Variants in TAF5 observed in about 807,000 individuals in gnomAD.
The protein encoded by TAF5 is TATA-box binding protein associated factor 5.
TAF5 carries 20 observed loss-of-function variants against 80.9 expected under a neutral mutation model. The observed-to-expected ratio is 0.25, with a 90% confidence interval of 0.17 to 0.36. The LOEUF (loss-of-function observed/expected upper bound fraction) is 0.36, where lower values mean the gene tolerates loss of function less well. Among genes scored for constraint, TAF5 ranks in the 10% least tolerant of loss-of-function variants. The pLI, the probability that TAF5 is intolerant of heterozygous loss-of-function variation, is 1.00. For missense variants in TAF5, 863 were observed against 1,029.4 expected (o/e 0.84, Z 2.21); for synonymous variants, 388 against 406.4 (o/e 0.95, Z 0.55).
In TAF5 at chr10:103,378,953, C is replaced by T. The variant is rs536699086; in HGVS notation, c.1113+403C>T. On this transcript the variant is annotated intron_variant, in intron 3 of 10. Transcript: ENST00000369839. This position sits in a 1 kb window ranked among gnomAD's most constrained non-coding sequence, Gnocchi z 4.1. ...GGCATAACAGGCGTGAGCTACTGCG[C>T]CTGGCCGCTTGGAAACAATTTTATA... 2.0e-5 allele frequency among the ~76,000 whole-genome samples: 3 copies of T among 152,262 alleles called. No individual in the cohort carries two copies. Among genetic ancestry groups the T allele is most frequent in the African/African-American group, 7.2e-5 (3 of 41,546 alleles).
Position 103,369,986 on chromosome 10 carries a change from C to T in TAF5, c.559+1438C>T, listed in dbSNP as rs1017407379. Among the ~76,000 whole-genome samples the T allele has an allele frequency of 1.3e-5, 2 of 151,956 alleles. 1 individual carries two copies. The highest frequency in any genetic ancestry group is 4.2e-4 in the South Asian group (2 of 4,814). ...TGGCTCATGCCTGTGAATCTCAGCA[C>T]TTTGGGAGGCTGAGGCGGGTGGATC... is the stretch of plus-strand genomic sequence containing the variant. On this transcript the variant is annotated intron_variant, in intron 1 of 10. Coordinates refer to ENST00000369839, the MANE Select transcript of TAF5 (RefSeq NM_006951.5).
intron 1 of TAF5, among the ~76,000 whole-genome samples, chr10:103,369,461 C>T (rs1456208738): frequency 2.6e-5 from 4 of 151,880 alleles, no homozygotes; most frequent in African/African-American, 7.3e-5. Context: ...CAGATTTAAG[C>T]GATTCTCCTG....
At position 103,388,803 on chromosome 10, in the gene TAF5, T is replaced by C. The variant is rs1402160612; in HGVS notation, c.*580T>C. On this transcript the variant is annotated 3_prime_UTR_variant, in exon 11 of 11. Transcript: ENST00000369839. ...TCTGAATTTATATACCTGTTGAGTTTTGAGTGCACCCAAACACTCGATAAA... is the reference window on the plus strand; with the variant it reads ...TCTGAATTTATATACCTGTTGAGTTCTGAGTGCACCCAAACACTCGATAAA... 2 of 153,328 alleles carry C rather than the reference T, an allele frequency of 1.3e-5. No homozygotes were observed. The highest frequency in any genetic ancestry group is 1.9e-4 in the East Asian group (1 of 5,190). 9.5% of individuals were successfully genotyped at this position (153,328 alleles called of 1,614,324 possible). A position where few individuals can be genotyped will look rare whatever the true frequency, so the allele number is the denominator to read the frequency against.
At chr10:103,373,737 G>T in intron 2 of TAF5, 142 bp downstream of exon 2, 1 of 652,582 alleles carries the variant, frequency 1.5e-6, no homozygotes. Flanking sequence ...CTGAGGCTAT[G>T]AGAACTTAAA....
rs1216665504 is a variant in TAF5 at position 103,379,735 on chromosome 10, G to A, written c.1241G>A (p.Ser414Asn). The A allele has an allele frequency of 1.3e-6, 2 of 1,598,856 alleles. No homozygotes were observed. Among genetic ancestry groups the A allele is most frequent in the East Asian group, 4.5e-5 (2 of 44,792 alleles). ...KPKKDSIGSK[S>N]KKQDPNAPPQ... ...AAAAAAGATAGTATTGGATCCAAAA[G>A]CAAAAAACAAGATCCCAATGCTCCA... The change falls in exon 4 of 11, where the codon AGC becomes AAC. Residue 414 changes from serine (S) to asparagine (N), a missense_variant. Ser to Asn is a conservative substitution (Grantham distance 46, BLOSUM62 1). Around this residue, in one of 3 missense-constraint regions of TAF5, gnomAD observed 128 missense variants for 232.2 expected, o/e 0.55. Coordinates refer to ENST00000369839, the MANE Select transcript of TAF5 (RefSeq NM_006951.5).
chr10:103,383,220 A>G lies in TAF5; in HGVS notation c.1535-18A>G, dbSNP rs748898525. On this transcript the variant is annotated intron_variant, in intron 6 of 10. Transcript: ENST00000369839. ...ATGAATGTACTTATAAAATATCAAT[A>G]TTTCTGGACCATTTTAGATCTTAGT... 1 of 1,541,062 alleles carries G rather than the reference A, an allele frequency of 6.5e-7. No individual in the cohort carries two copies. Among genetic ancestry groups the G allele is most frequent in the South Asian group, 1.2e-5 (1 of 80,786 alleles).
intron 2 of TAF5, among the ~76,000 whole-genome samples, chr10:103,377,238 C>T (rs560264293): frequency 8.5e-5 from 13 of 152,316 alleles, no homozygotes; most frequent in African/African-American, 2.9e-4. Context: ...GATTCTCTGT[C>T]TTCCCATTAT....
At chr10:103,385,552 A>T (rs2093393993) in intron 8 of TAF5, 62 bp downstream of exon 8, 2 of 1,543,466 alleles carry the variant, frequency 1.3e-6, no homozygotes. Flanking sequence ...TCTTGTTGGG[A>T]ATTACACAGC....
chr10:103,380,756 G>T (rs1027262751), intron 5 of TAF5, among the ~76,000 whole-genome samples: 2 of 151,480 alleles, frequency 1.3e-5, no homozygotes, highest in African/African-American at 4.9e-5. Flanking sequence ...GAATAGCTGG[G>T]ATTACAGGCA....
chr10:103,371,489 CCAA>C (rs2093359414), intron 1 of TAF5, among the ~76,000 whole-genome samples: 1 of 152,160 alleles, frequency 6.6e-6, no homozygotes, highest in African/African-American at 2.4e-5. Flanking sequence ...ACAGAAATTT[CCAA>C]CAACCAAATT....
intron 1 of TAF5, among the ~76,000 whole-genome samples, chr10:103,369,346 ATT>A (rs11427664): frequency 1.1e-4 from 16 of 150,964 alleles, no homozygotes; most frequent in Admixed American, 1.1e-3. Flanking sequence ...TAAAAGTTGA[ATT>A]TTTTTTCTTT....
chr10:103,370,002 C>T (rs963389968), intron 1 of TAF5, among the ~76,000 whole-genome samples: 6 of 151,664 alleles, frequency 4.0e-5, no homozygotes, highest in African/African-American at 2.4e-5. Context: ...GAGGCTGAGG[C>T]GGGTGGATCA....
intron 1 of TAF5, among the ~76,000 whole-genome samples, chr10:103,371,299 G>T (rs2093359139): frequency 6.6e-6 from 1 of 151,396 alleles, no homozygotes; most frequent in African/African-American, 2.4e-5. Context: ...TTTTGTGAAT[G>T]AACTATAAGA....
intron 8 of TAF5, among the ~76,000 whole-genome samples, chr10:103,386,572 C>T (rs562004726): frequency 3.9e-5 from 6 of 152,010 alleles, no homozygotes; most frequent in Admixed American, 2.6e-4. Context: ...CAGTGGTACA[C>T]GCCTATAGTC....
rs2093367084 is a variant in TAF5 at position 103,374,874 on chromosome 10, C to G, written c.797+1279C>G. 2.0e-5 allele frequency among the ~76,000 whole-genome samples: 3 copies of G among 152,052 alleles called. No homozygotes were observed. Among genetic ancestry groups the G allele is most frequent in the Non-Finnish European group, 4.4e-5 (3 of 68,006 alleles). On this transcript the variant is annotated intron_variant, in intron 2 of 10. Coordinates refer to ENST00000369839, the MANE Select transcript of TAF5 (RefSeq NM_006951.5). This position sits in a 1 kb window ranked among gnomAD's most constrained non-coding sequence, Gnocchi z 4.3. ...GGCGCTGCGGCTCACGCCTTTAATC[C>G]CAGCACTTTGGGAGGCTGAGGCGGG...
chr10:103,370,124 TG>T (rs1369082253), intron 1 of TAF5, among the ~76,000 whole-genome samples: 1 of 151,040 alleles, frequency 6.6e-6, no homozygotes, highest in Non-Finnish European at 1.5e-5. Context: ...CCCAGCTACT[TG>T]GGGGGCTGAG....
chr10:103,387,430 A>AT, intron 9 of TAF5, 78 bp downstream of exon 9: 2 of 1,549,264 alleles, frequency 1.3e-6, no homozygotes, highest in Non-Finnish European at 1.7e-6. Context: ...TGACACATAA[A>AT]TTTTAAAGAT....
intron 5 of TAF5, among the ~76,000 whole-genome samples, chr10:103,380,305 T>G (rs893893123): frequency 6.6e-6 from 1 of 152,102 alleles, no homozygotes; most frequent in African/African-American, 2.4e-5. Flanking sequence ...ATTTTTTGTA[T>G]TTTTAGTAGA....
At chr10:103,368,723 C>G (rs947902558) in intron 1 of TAF5, among the ~76,000 whole-genome samples, 175 bp downstream of exon 1, 3 of 152,226 alleles carry the variant, frequency 2.0e-5, no homozygotes, top group South Asian at 4.1e-4. Context: ...AACCCCCTTC[C>G]GAGCTGTCAG....
Sources: allele counts gnomAD v4.1 joint callset (sites outside exome capture counted in the v4.1 genomes callset), GRCh38; gene constraint gnomAD v4.1.1; regional missense constraint gnomAD v4.1.1; non-coding constraint Gnocchi (gnomAD v3.1); transcripts MANE v1.5; gene names NCBI Gene and HGNC (gene_info 2026-07-23, HGNC 2026-07-21).